The following ATG7 variants were observed in gnomAD, a reference collection of about 807,000 sequenced individuals.
ATG7 encodes ubiquitin-like modifier-activating enzyme ATG7.
A neutral mutation model predicts 82.4 loss-of-function variants in ATG7; 70 were observed. That is an observed-to-expected ratio of 0.85 (90% CI 0.70 to 1.04). The LOEUF is 1.04. ATG7 is among the 50% of genes least tolerant of loss of function. ATG7 has a pLI of 0.00. For missense variants in ATG7, 792 were observed against 864.3 expected, an observed-to-expected ratio of 0.92 and a Z score of 1.05; for synonymous variants, 287 against 313.0, an observed-to-expected ratio of 0.92 and a Z score of 0.88.
intron 17 of ATG7, 27 bp downstream of exon 17, chr3:11,362,955 T>C: frequency 6.3e-7 from 1 of 1,596,964 alleles, no homozygotes; most frequent in South Asian, 1.1e-5. Context: ...GAGATGAGTA[T>C]TTAAACAAAG....
intron 15 of ATG7, among the ~76,000 whole-genome samples, chr3:11,360,277 C>T (rs896070029): frequency 6.6e-6 from 1 of 152,188 alleles, no homozygotes; most frequent in Non-Finnish European, 1.5e-5. Context: ...AACTCCTGAC[C>T]TCAGACAGTC....
At chr3:11,390,762 G>T (rs55645591) in intron 19 of ATG7, among the ~76,000 whole-genome samples, 111,838 of 151,730 alleles carry the variant, frequency 0.74, 42,885 homozygotes, top group East Asian at 0.91. Flanking sequence ...AAAACTGCAA[G>T]TTAAAGTACT....
chr3:11,502,192 C>T (rs142393375), intron 20 of ATG7, among the ~76,000 whole-genome samples: 1,585 of 150,844 alleles, frequency 0.011, 30 homozygotes, highest in African/African-American at 0.036. Flanking sequence ...TGGACAAGAA[C>T]GTTAAATTCT....
chr3:11,286,679 G>C (rs1362008602), intron 3 of ATG7, among the ~76,000 whole-genome samples: 1 of 137,896 alleles, frequency 7.3e-6, no homozygotes, highest in Admixed American at 8.0e-5. Context: ...GCTTACTGCA[G>C]CCTTAATCTC....
At chr3:11,425,946 G>GCC (rs1160998819) in intron 19 of ATG7, among the ~76,000 whole-genome samples, 1 of 152,076 alleles carries the variant, frequency 6.6e-6, no homozygotes, top group Non-Finnish European at 1.5e-5. Flanking sequence ...ATGTTTGAAG[G>GCC]TAGTTTGTTC....
At chr3:11,394,619 T>C (rs1184581713) in intron 19 of ATG7, among the ~76,000 whole-genome samples, 1 of 152,228 alleles carries the variant, frequency 6.6e-6, no homozygotes, top group Non-Finnish European at 1.5e-5. Context: ...TAAATCATTC[T>C]TGACTTTGGG....
At chr3:11,403,420 T>A (rs2080036736) in intron 19 of ATG7, among the ~76,000 whole-genome samples, 2 of 152,078 alleles carry the variant, frequency 1.3e-5, no homozygotes, top group African/African-American at 4.8e-5. Context: ...AAATGGTAAT[T>A]GTTTCATCTT....
At chr3:11,568,867 T>A in the ATG7 span, 1 of 1,367,852 alleles carries the variant, frequency 7.3e-7, no homozygotes, top group Admixed American at 3.2e-5. This position sits in a 1 kb window ranked among gnomAD's most constrained non-coding sequence, Gnocchi z 5.9. Context: ...TCAGAGCCGC[T>A]GAGGCTGCAC....
At chr3:11,558,475 ATTTTT>A (rs369629845), downstream of ATG7, 16 of 790,072 alleles carry the variant, frequency 2.0e-5, no homozygotes, top group East Asian at 8.6e-5. Flanking sequence ...CACCCCCATG[ATTTTT>A]TTTTTTTTAA....
At chr3:11,506,573 AAAAAAAAAAAACCC>A (rs1205827169) in intron 20 of ATG7, among the ~76,000 whole-genome samples, 14 of 136,580 alleles carry the variant, frequency 1.0e-4, no homozygotes, top group Admixed American at 5.3e-4. Flanking sequence ...AAAAAAAAAA[AAAAAAAAAAAACCC>A]AAAAATTAGC....
intron 15 of ATG7, among the ~76,000 whole-genome samples, chr3:11,360,167 TCCTGAGTAGCTGCGA>T (rs2076197273): frequency 6.6e-6 from 1 of 152,248 alleles, no homozygotes; most frequent in South Asian, 2.1e-4. Context: ...TGCCTCTGCC[TCCTGAGTAGCTGCGA>T]CTACTGGCGC....
At chr3:11,313,478 T>C (rs1237623829) in intron 8 of ATG7, 58 bp downstream of exon 8, 7 of 1,269,308 alleles carry the variant, frequency 5.5e-6, no homozygotes, top group South Asian at 2.7e-5. Flanking sequence ...AGAGTAGTTA[T>C]GTAGTTCTTT....
intron 19 of ATG7, among the ~76,000 whole-genome samples, chr3:11,382,834 AATAGT>A (rs1258261120): frequency 2.6e-5 from 4 of 152,208 alleles, no homozygotes; most frequent in African/African-American, 9.7e-5. Context: ...ACATTGGAAG[AATAGT>A]ACAAGGAACT....
At chr3:11,378,424 C>T (rs1052362657) in intron 18 of ATG7, among the ~76,000 whole-genome samples, 12 of 150,876 alleles carry the variant, frequency 8.0e-5, no homozygotes, top group South Asian at 2.1e-4. Context: ...GGCTCACGCC[C>T]GTAACCCCAG....
At chr3:11,385,144 C>T (rs1311898232) in intron 19 of ATG7, among the ~76,000 whole-genome samples, 2 of 152,158 alleles carry the variant, frequency 1.3e-5, no homozygotes, top group Non-Finnish European at 2.9e-5. Flanking sequence ...ATTCTCCTGC[C>T]TCAGCCTCCT....
At chr3:11,278,295 T>C (rs1942324764) in intron 1 of ATG7, among the ~76,000 whole-genome samples, 1 of 152,224 alleles carries the variant, frequency 6.6e-6, no homozygotes, top group Non-Finnish European at 1.5e-5. Flanking sequence ...TAAATGTCCA[T>C]ATTAAAATGA....
intron 8 of ATG7, among the ~76,000 whole-genome samples, chr3:11,313,794 T>C (rs1949019536): frequency 2.0e-5 from 3 of 152,084 alleles, no homozygotes; most frequent in Admixed American, 2.0e-4. Flanking sequence ...GATATGGGGT[T>C]TTGCCATGTT....
At chr3:11,333,640 G>C (rs1951957770) in intron 11 of ATG7, among the ~76,000 whole-genome samples, 1 of 151,744 alleles carries the variant, frequency 6.6e-6, no homozygotes, top group Non-Finnish European at 1.5e-5. Context: ...ATGTGTGTGT[G>C]TGTGTATATA....
chr3:11,420,967 G>T (rs1358936361), intron 19 of ATG7, among the ~76,000 whole-genome samples: 1 of 152,010 alleles, frequency 6.6e-6, no homozygotes, highest in Non-Finnish European at 1.5e-5. Flanking sequence ...GTGTTAGCCA[G>T]GATGGTCTCA....
Sources: allele counts gnomAD v4.1 joint callset (sites outside exome capture counted in the v4.1 genomes callset), GRCh38; gene constraint gnomAD v4.1.1; non-coding constraint Gnocchi (gnomAD v3.1); transcripts MANE v1.5; gene names NCBI Gene and HGNC (gene_info 2026-07-23, HGNC 2026-07-21).